SHROOM2: variants seen among roughly 807,000 people sequenced by gnomAD.
The protein encoded by SHROOM2 is protein Shroom2.
In SHROOM2, 33 loss-of-function variants were observed where a neutral mutation model predicts 75.9. The observed-to-expected ratio is 0.43, with a 90% CI of 0.33 to 0.58. SHROOM2 has a LOEUF of 0.58. Ranked by LOEUF, SHROOM2 falls within the 20% of genes least tolerant of loss-of-function variation. SHROOM2 has a pLI of 0.04. For synonymous variants in SHROOM2, 655 were observed against 663.6 expected (o/e 0.99, Z 0.20); for missense variants, 1,434 against 1,461.2 (o/e 0.98, Z 0.30).
At chrX:9,936,934 G>T (rs957869845) in intron 6 of SHROOM2, among the ~76,000 whole-genome samples, 200 bp from the exon 7 acceptor site, 4 of 111,454 alleles carry the variant, frequency 3.6e-5, no homozygotes, top group Non-Finnish European at 7.5e-5. Context: ...GTGGTTGGAA[G>T]GCGGAGGTAG....
At chrX:9,925,089 C>T (rs2084581702) in intron 5 of SHROOM2, among the ~76,000 whole-genome samples, 1 of 111,810 alleles carries the variant, frequency 8.9e-6, no homozygotes, top group African/African-American at 3.3e-5. Context: ...TTTTGGGCTC[C>T]ATCGCCTTCC....
chrX:9,819,146 A>T (rs1007902777), intron 1 of SHROOM2: 16 of 1,187,123 alleles, frequency 1.3e-5, no homozygotes, highest in Non-Finnish European at 1.7e-5. Flanking sequence ...CTTTATAAGA[A>T]TTACCTATTG....
At chrX:9,815,452 G>A (rs1038339088) in intron 1 of SHROOM2, among the ~76,000 whole-genome samples, 1 of 104,364 alleles carries the variant, frequency 9.6e-6, no homozygotes, top group African/African-American at 3.6e-5. Flanking sequence ...GTGTGTGTGT[G>A]TGTGTGTGTG....
chrX:9,822,422 G>T (rs1438194369), intron 1 of SHROOM2, among the ~76,000 whole-genome samples: 1 of 112,394 alleles, frequency 8.9e-6, no homozygotes, highest in African/African-American at 3.2e-5. Flanking sequence ...TAATAGAAGG[G>T]CAAATGGGTA....
In SHROOM2 at chrX:9,881,979, C is replaced by T. The variant is rs183403674; in HGVS notation, c.317+8176C>T. 7.2e-5 allele frequency among the ~76,000 whole-genome samples: 8 copies of T among 111,758 alleles called. No homozygotes were observed. In the East Asian group the frequency reaches 2.2e-3, roughly 31 times the overall value. ...TAAAAATACAGTAAATTATTATGGG[C>T]TTTATGTAATGAGCAGAACATCAGA... On this transcript the variant is annotated intron_variant, in intron 2 of 9. Transcript: ENST00000380913.
chrX:9,937,847 G>A (rs1411918476), intron 7 of SHROOM2, among the ~76,000 whole-genome samples, 162 bp downstream of exon 7: 1 of 112,312 alleles, frequency 8.9e-6, no homozygotes, highest in Non-Finnish European at 1.9e-5. Context: ...TTTTTTGTGA[G>A]CCTCCGGAAA....
intron 1 of SHROOM2, among the ~76,000 whole-genome samples, chrX:9,791,969 G>T (rs200757449): frequency 7.2e-4 from 4 of 5,585 alleles, no homozygotes; most frequent in Admixed American, 3.9e-3. Flanking sequence ...ACTCCATCTC[G>T]AGAATAGAAT....
rs190610053 is a variant in SHROOM2 at position 9,858,791 on chromosome X, G to A, written c.166-14861G>A. ...CTGCACTCCAGCCTGGGTGACAAGA[G>A]CAATACTCTGTCTCAAAAACAGATA... On this transcript the variant is annotated intron_variant, in intron 1 of 9. Coordinates refer to ENST00000380913, the MANE Select transcript of SHROOM2 (RefSeq NM_001649.4). 7.4e-4 allele frequency among the ~76,000 whole-genome samples: 82 copies of A among 111,247 alleles called. 1 individual carries two copies. The highest frequency in any genetic ancestry group is 2.6e-3 in the African/African-American group (81 of 30,586).
At chrX:9,819,775 C>T (rs1192918633) in intron 1 of SHROOM2, among the ~76,000 whole-genome samples, 1 of 109,090 alleles carries the variant, frequency 9.2e-6, no homozygotes, top group Non-Finnish European at 1.9e-5. Context: ...GTCGAGTCCA[C>T]CCTGCCAGTT....
At chrX:9,822,836 C>G (rs1009120958) in intron 1 of SHROOM2, among the ~76,000 whole-genome samples, 9 of 111,842 alleles carry the variant, frequency 8.0e-5, no homozygotes, top group African/African-American at 2.9e-4. Flanking sequence ...TGCCTCCGGG[C>G]AGGAGCGGAC....
chrX:9,945,099 G>GT (rs377472690), intron 9 of SHROOM2, among the ~76,000 whole-genome samples, 186 bp downstream of exon 9: 2 of 106,493 alleles, frequency 1.9e-5, no homozygotes, highest in East Asian at 6.2e-4. Context: ...TATTTCTTTA[G>GT]TTGTTTGTTT....
chrX:9,920,076 C>T (rs1268878084), intron 5 of SHROOM2, among the ~76,000 whole-genome samples: 1 of 76,769 alleles, frequency 1.3e-5, no homozygotes, highest in Admixed American at 1.3e-4. Context: ...CTCAACTTCA[C>T]TACGGTTCAT....
intron 1 of SHROOM2, among the ~76,000 whole-genome samples, chrX:9,871,077 G>T (rs1418683866): frequency 9.0e-6 from 1 of 111,562 alleles, no homozygotes; most frequent in African/African-American, 3.3e-5. Flanking sequence ...CAAAAGACCA[G>T]CTCCAGGATG....
At chrX:9,854,043 C>T (rs149820996) in intron 1 of SHROOM2, among the ~76,000 whole-genome samples, 2,313 of 112,247 alleles carry the variant, frequency 0.021, 58 homozygotes, top group African/African-American at 0.071. Context: ...ACCAGGTACA[C>T]GTAGGGATGT....
At chrX:9,881,169 G>A (rs966855082) in intron 2 of SHROOM2, among the ~76,000 whole-genome samples, 1 of 111,844 alleles carries the variant, frequency 8.9e-6, no homozygotes, top group Non-Finnish European at 1.9e-5. Flanking sequence ...GACAGGGCAG[G>A]TAGCAACAGT....
At chrX:9,924,773 A>T (rs1240617934) in intron 5 of SHROOM2, among the ~76,000 whole-genome samples, 1 of 111,552 alleles carries the variant, frequency 9.0e-6, no homozygotes, top group Non-Finnish European at 1.9e-5. Flanking sequence ...CTCTCACCTC[A>T]GCCTCCTGAG....
chrX:9,890,178 C>A, intron 2 of SHROOM2, among the ~76,000 whole-genome samples: 1 of 111,428 alleles, frequency 9.0e-6, no homozygotes, highest in Non-Finnish European at 1.9e-5. Context: ...ACCAGCCTGG[C>A]CAACATGGTA....
chrX:9,926,006 A>G (rs5979212), intron 5 of SHROOM2, among the ~76,000 whole-genome samples: 12,527 of 111,392 alleles, frequency 0.11, 1,773 homozygotes, highest in African/African-American at 0.39. Flanking sequence ...CTGGTGTCAC[A>G]GAGGCCTGTG....
At chrX:9,809,984 A>G (rs1422111139) in intron 1 of SHROOM2, among the ~76,000 whole-genome samples, 2 of 112,694 alleles carry the variant, frequency 1.8e-5, no homozygotes, top group African/African-American at 6.5e-5. Context: ...CCTGAAGTCA[A>G]TAAATCTTAT....
Sources: allele counts gnomAD v4.1 joint callset (sites outside exome capture counted in the v4.1 genomes callset), GRCh38; gene constraint gnomAD v4.1.1; transcripts MANE v1.5; gene names NCBI Gene and HGNC (gene_info 2026-07-23, HGNC 2026-07-21).